The following OSBPL5 variants were observed in gnomAD, a reference collection of about 807,000 sequenced individuals.
OSBPL5 encodes the protein oxysterol-binding protein-related protein 5.
Under a neutral mutation model 111.2 loss-of-function variants are expected in OSBPL5, and 71 were observed. The observed-to-expected ratio is 0.64, with a 90% CI of 0.53 to 0.78. OSBPL5 has a LOEUF of 0.78. OSBPL5 is among the 30% of genes least tolerant of loss of function. OSBPL5 has a pLI of 0.00. For missense variants in OSBPL5, 1,210 were observed against 1,189.3 expected (o/e 1.02, Z -0.26); for synonymous variants, 549 against 513.9 (o/e 1.07, Z -0.93).
rs1201803674 is a variant in OSBPL5, at chr11:3,161,572, A to G, written c.-22+3644T>C. On this transcript the variant is annotated intron_variant, in intron 1 of 21. Transcript: ENST00000263650. This position sits in a 1 kb window ranked among gnomAD's most constrained non-coding sequence, Gnocchi z 8.0. ...ACCTACTGTGTGCCAGCCCCTGGGAAGAGAGCCCGGAGCAGACTTGCAGGC... is the reference window on the plus strand; with the variant it reads ...ACCTACTGTGTGCCAGCCCCTGGGAGGAGAGCCCGGAGCAGACTTGCAGGC... Among the ~76,000 whole-genome samples the G allele has an allele frequency of 6.6e-6, 1 of 152,216 alleles. No individual in the cohort carries two copies. Among genetic ancestry groups the G allele is most frequent in the Admixed American group, 6.5e-5 (1 of 15,284 alleles).
intron 1 of OSBPL5, among the ~76,000 whole-genome samples, chr11:3,150,633 G>T (rs942525618): frequency 2.6e-5 from 4 of 152,210 alleles, no homozygotes; most frequent in African/African-American, 9.7e-5. Context: ...TGCCTCTGGG[G>T]GGAGCAGAAC....
chr11:3,132,606 T>C (rs1845842392), intron 1 of OSBPL5, among the ~76,000 whole-genome samples: 1 of 151,068 alleles, frequency 6.6e-6, no homozygotes, highest in African/African-American at 2.4e-5. Context: ...CCAGCCACAC[T>C]GGCCCCTTTA....
chr11:3,119,832 T>G, intron 6 of OSBPL5: 1 of 529,666 alleles, frequency 1.9e-6, no homozygotes, highest in Non-Finnish European at 3.3e-6. Context: ...CTCTGTCCCC[T>G]TTCTTAGCTG....
At chr11:3,135,050 CCTT>C (rs1489652580) in intron 1 of OSBPL5, among the ~76,000 whole-genome samples, 2 of 152,234 alleles carry the variant, frequency 1.3e-5, no homozygotes, top group Non-Finnish European at 2.9e-5. Context: ...GGGGGCTCCT[CCTT>C]CTTCCTCGGA....
At chr11:3,148,902 G>T (rs77422413) in intron 1 of OSBPL5, among the ~76,000 whole-genome samples, 2,541 of 152,350 alleles carry the variant, frequency 0.017, 27 homozygotes, top group Non-Finnish European at 0.021. Flanking sequence ...AGGGGATTAA[G>T]ACTCAGGATG....
chr11:3,103,855 T>TC (rs1857589808), intron 10 of OSBPL5, among the ~76,000 whole-genome samples: 2 of 102,360 alleles, frequency 2.0e-5, no homozygotes, highest in African/African-American at 4.3e-5. Flanking sequence ...CCCTTTCCAG[T>TC]CTGCGCAGCC....
At chr11:3,152,104 A>G (rs190376888) in intron 1 of OSBPL5, among the ~76,000 whole-genome samples, 1 of 152,316 alleles carries the variant, frequency 6.6e-6, no homozygotes, top group Non-Finnish European at 1.5e-5. Flanking sequence ...ATGGGTCTTT[A>G]TGGTGGCTCT....
chr11:3,110,478 T>G lies in OSBPL5; in HGVS notation c.692-2533A>C, dbSNP rs1468384395. ...GGAAATTCTCGTTCTAGCACTTTCT[T>G]GCTGGCAGTTTGCCTGTGCCTCAGT... On this transcript the variant is annotated intron_variant, in intron 7 of 21. Coordinates refer to ENST00000263650, the MANE Select transcript of OSBPL5 (RefSeq NM_020896.4). This position sits in a 1 kb window ranked among gnomAD's most constrained non-coding sequence, Gnocchi z 5.3. 6.6e-6 allele frequency among the ~76,000 whole-genome samples: 1 copy of G among 152,250 alleles called. No homozygotes were observed. Among genetic ancestry groups the G allele is most frequent in the African/African-American group, 2.4e-5 (1 of 41,462 alleles).
rs1173846363 is a variant in OSBPL5, at chr11:3,154,552, ACTCATGGG to A, written c.-22+10656_-22+10663del. ...GGTGAAATCTGAGAACACTGCACAC[ACTCATGGG>A]TGCGGAAGGCTCTGATCACATCAAA... On this transcript the variant is annotated intron_variant, in intron 1 of 21. Transcript: ENST00000263650. This position sits in a 1 kb window ranked among gnomAD's most constrained non-coding sequence, Gnocchi z 4.9. 6.6e-6 allele frequency among the ~76,000 whole-genome samples: 1 copy of A among 152,088 alleles called. No individual in the cohort carries two copies. Among genetic ancestry groups the A allele is most frequent in the Non-Finnish European group, 1.5e-5 (1 of 68,014 alleles).
At chr11:3,128,417 C>T (rs1006763552) in intron 2 of OSBPL5, among the ~76,000 whole-genome samples, 9 of 152,328 alleles carry the variant, frequency 5.9e-5, no homozygotes, top group Admixed American at 3.3e-4. Context: ...ACAGCTCAGC[C>T]TTGGCTGGGG....
intron 7 of OSBPL5, among the ~76,000 whole-genome samples, chr11:3,112,060 T>TGTGC (rs1189936863): frequency 1.5e-4 from 12 of 79,458 alleles, no homozygotes; most frequent in Middle Eastern, 6.3e-3. Flanking sequence ...TGTGTGCATG[T>TGTGC]GTATGTGTGT....
Position 3,088,045 on chromosome 11 carries a change from G to A in OSBPL5, c.*160C>T. 1 of 570,282 alleles carries A rather than the reference G, an allele frequency of 1.8e-6. No individual in the cohort carries two copies. Among genetic ancestry groups the A allele is most frequent in the South Asian group, 3.1e-5 (1 of 32,616 alleles). The allele number at this position is 570,282 out of a possible 1,614,324, so 35.3% of individuals were successfully genotyped here. On this transcript the variant is annotated 3_prime_UTR_variant, in exon 22 of 22. Coordinates refer to ENST00000263650, the MANE Select transcript of OSBPL5 (RefSeq NM_020896.4). ...CCTGAGAGGGGCCCAGCACACCTGG[G>A]CCCGCAGCGCCTTGTGGCCCCGGGT...
chr11:3,136,618 C>T (rs537600205), intron 1 of OSBPL5, among the ~76,000 whole-genome samples: 1 of 152,362 alleles, frequency 6.6e-6, no homozygotes, highest in South Asian at 2.1e-4. Flanking sequence ...ATCTCTCAGG[C>T]CCTGTTTGTA....
In OSBPL5 at chr11:3,162,115, A is replaced by G. The variant is rs1233357780; in HGVS notation, c.-22+3101T>C. ...AAAGGGCTCTAAGTGGTCAAATTAC[A>G]TGAAGTGGTTTATCTTTTTAAACAC... is the stretch of plus-strand genomic sequence containing the variant. On this transcript the variant is annotated intron_variant, in intron 1 of 21. Transcript: ENST00000263650. This position sits in a 1 kb window ranked among gnomAD's most constrained non-coding sequence, Gnocchi z 8.1. 6.6e-6 allele frequency among the ~76,000 whole-genome samples: 1 copy of G among 152,140 alleles called. No homozygotes were observed. The highest frequency in any genetic ancestry group is 1.5e-5 in the Non-Finnish European group (1 of 68,036).
chr11:3,110,128 G>A lies in OSBPL5; in HGVS notation c.692-2183C>T, dbSNP rs998622835. On this transcript the variant is annotated intron_variant, in intron 7 of 21. Coordinates refer to ENST00000263650, the MANE Select transcript of OSBPL5 (RefSeq NM_020896.4). The surrounding 1 kb of genome is among the most constrained non-coding windows in gnomAD (Gnocchi z 5.3). Reference sequence around the variant, plus strand: ...GCATGGATGTGGCATCTGACCACCAGGGGTGATGTGGCACCGAGACTCCAA... The same window carrying A: ...GCATGGATGTGGCATCTGACCACCAAGGGTGATGTGGCACCGAGACTCCAA... 2.0e-5 allele frequency among the ~76,000 whole-genome samples: 3 copies of A among 152,208 alleles called. No individual in the cohort carries two copies. The highest frequency in any genetic ancestry group is 4.4e-5 in the Non-Finnish European group (3 of 68,030).
intron 14 of OSBPL5, 138 bp from the exon 15 acceptor site, chr11:3,094,472 C>T: frequency 3.0e-6 from 2 of 657,266 alleles, no homozygotes; most frequent in Non-Finnish European, 5.3e-6. Flanking sequence ...GTGTCAGTCC[C>T]TGGGAGGGTG....
At position 3,128,920 on chromosome 11, in the gene OSBPL5, A is replaced by G. The variant is rs144732913; in HGVS notation, c.136+93T>C. ...ACAGTCCCCAGCATGGAAGCTGTGG[A>G]CCTCAAGGGGCACAGAGGGGTTGGG... On this transcript the variant is annotated intron_variant, in intron 2 of 21. Coordinates refer to ENST00000263650, the MANE Select transcript of OSBPL5 (RefSeq NM_020896.4). 84 of 1,158,662 alleles carry G rather than the reference A, an allele frequency of 7.2e-5. No individual in the cohort carries two copies. The African/African-American group carries it at 1.1e-3, about 16-fold the overall frequency. 71.8% of individuals were successfully genotyped at this position (1,158,662 alleles called of 1,614,324 possible).
intron 1 of OSBPL5, chr11:3,129,419 G>A (rs906157450): frequency 1.7e-5 from 5 of 294,092 alleles, no homozygotes; most frequent in African/African-American, 4.3e-5. Flanking sequence ...CCTGGTCAGA[G>A]AGGCTCATCA....
In OSBPL5 at chr11:3,161,799, G is replaced by A. The variant is rs778840562; in HGVS notation, c.-22+3417C>T. Among the ~76,000 whole-genome samples, 3 of 152,202 alleles carry A rather than the reference G, an allele frequency of 2.0e-5. No individual in the cohort carries two copies. The highest frequency in any genetic ancestry group is 3.9e-4 in the East Asian group (2 of 5,188). On this transcript the variant is annotated intron_variant, in intron 1 of 21. Coordinates refer to ENST00000263650, the MANE Select transcript of OSBPL5 (RefSeq NM_020896.4). This position sits in a 1 kb window ranked among gnomAD's most constrained non-coding sequence, Gnocchi z 8.0. ...TGAGAGCTGCTTTGGAATGGGTAACGGGCCAGGAACAGAGACTCTCTCAGA... is the reference window on the plus strand; with the variant it reads ...TGAGAGCTGCTTTGGAATGGGTAACAGGCCAGGAACAGAGACTCTCTCAGA...
Sources: gnomAD v4.1 joint callset for allele counts (sites outside exome capture counted in the v4.1 genomes callset) on GRCh38, gnomAD v4.1.1 for gene constraint, Gnocchi (gnomAD v3.1) non-coding constraint, MANE v1.5 for transcripts, NCBI Gene and HGNC (gene_info 2026-07-23, HGNC 2026-07-21) for gene names.